GLYR1: variants seen among roughly 807,000 people sequenced by gnomAD.
GLYR1 encodes cytokine-like nuclear factor N-PAC.
Under a neutral mutation model 72.7 loss-of-function variants are expected in GLYR1, and 21 were observed. That is an observed-to-expected ratio of 0.29 (90% confidence interval 0.20 to 0.42). The LOEUF (loss-of-function observed/expected upper bound fraction) is 0.42, where lower values mean the gene tolerates loss of function less well. Among genes scored for constraint, GLYR1 ranks in the 10% least tolerant of loss-of-function variants. The probability of loss-of-function intolerance (pLI) is 1.00; values close to 1 mark genes in which losing one functional copy is unlikely to be tolerated. For synonymous variants in GLYR1, 392 were observed against 270.2 expected (o/e 1.45, Z -4.42); for missense variants, 594 against 712.1 (o/e 0.83, Z 1.89).
chr16:4,838,425 G>C (rs1229591865), intron 3 of GLYR1, among the ~76,000 whole-genome samples: 1 of 152,150 alleles, frequency 6.6e-6, no homozygotes, highest in Non-Finnish European at 1.5e-5. Context: ...TGTGAGGACT[G>C]GAGGGGAAGA....
intron 3 of GLYR1, chr16:4,833,162 G>A (rs866634631): frequency 2.6e-4 from 93 of 360,710 alleles, no homozygotes; most frequent in African/African-American, 1.8e-3. Flanking sequence ...TTCCTCCAGT[G>A]AAAGCACTGT....
Position 4,805,037 on chromosome 16 carries a change from G to A in GLYR1, c.*199C>T. The A allele has an allele frequency of 1.7e-6, 1 of 593,662 alleles. No individual in the cohort carries two copies. Among genetic ancestry groups the A allele is most frequent in the Non-Finnish European group, 3.0e-6 (1 of 329,282 alleles). The allele number at this position is 593,662 out of a possible 1,614,324, so 36.8% of individuals were successfully genotyped here. ...AAGAGCTTTCCCACACGCCAATCCT[G>A]CTGACACTTGTCCCCTCCCCACCGG... is the stretch of plus-strand genomic sequence containing the variant. On this transcript the variant is annotated 3_prime_UTR_variant, in exon 16 of 16. Transcript: ENST00000321919.
chr16:4,818,004 T>C (rs2083761185), intron 9 of GLYR1: 15 of 214,472 alleles, frequency 7.0e-5, no homozygotes, highest in Middle Eastern at 1.9e-3. Flanking sequence ...TTGCTGCCCT[T>C]TTTTTTTTTT....
intron 15 of GLYR1, among the ~76,000 whole-genome samples, chr16:4,809,685 A>C (rs921560165): frequency 1.9e-4 from 29 of 151,370 alleles, no homozygotes; most frequent in Non-Finnish European, 2.7e-4. Context: ...GCACTTTGGG[A>C]GGCTGAGGTG....
rs371996806 is a variant in GLYR1 at position 4,811,165 on chromosome 16, C to T, written c.1587+5G>A. 6.2e-7 allele frequency: 1 copy of T among 1,613,388 alleles called. No individual in the cohort carries two copies. The highest frequency in any genetic ancestry group is 8.5e-7 in the Non-Finnish European group (1 of 1,179,956). On this transcript the variant is annotated splice_donor_5th_base_variant and intron_variant, in intron 15 of 15. Transcript: ENST00000321919. ...GCCTTGGGGCTTGGGCCACATCTAC[C>T]CTACCTCATTTGCTGCAGCTGCCAT...
At chr16:4,832,642 G>T in intron 4 of GLYR1, 132 bp downstream of exon 4, 1 of 1,087,884 alleles carries the variant, frequency 9.2e-7, no homozygotes, top group Non-Finnish European at 1.3e-6. Flanking sequence ...TGACACCTTA[G>T]AACTGAAGTA....
intron 3 of GLYR1, chr16:4,843,505 A>G: frequency 7.8e-7 from 1 of 1,280,626 alleles, no homozygotes; most frequent in Non-Finnish European, 1.0e-6. Context: ...CTCTTCCAGA[A>G]GCTCTGGCTC....
chr16:4,844,193 A>G (rs1197740900), intron 3 of GLYR1, among the ~76,000 whole-genome samples: 1 of 152,160 alleles, frequency 6.6e-6, no homozygotes, highest in Non-Finnish European at 1.5e-5. Flanking sequence ...AAGCTAAACA[A>G]ATCACTAGCA....
chr16:4,817,746 G>A (rs747297184), intron 9 of GLYR1, 49 bp from the exon 10 acceptor site: 20 of 1,127,850 alleles, frequency 1.8e-5, no homozygotes, highest in African/African-American at 1.2e-4. Flanking sequence ...GGAGGGTCAC[G>A]GTGATGATGA....
chr16:4,805,749 G>A (rs182149959), intron 15 of GLYR1, among the ~76,000 whole-genome samples: 349 of 152,180 alleles, frequency 2.3e-3, no homozygotes, highest in Admixed American at 5.4e-3. Flanking sequence ...AGGCCAAGGT[G>A]GGTGAATCAC....
intron 3 of GLYR1, among the ~76,000 whole-genome samples, chr16:4,836,627 A>G (rs985263958): frequency 7.9e-5 from 12 of 152,196 alleles, no homozygotes; most frequent in South Asian, 2.1e-4. Flanking sequence ...CAAGATAAAA[A>G]GCAATGCATG....
At chr16:4,821,822 A>C (rs1394700364) in intron 7 of GLYR1, among the ~76,000 whole-genome samples, 1 of 152,244 alleles carries the variant, frequency 6.6e-6, no homozygotes, top group East Asian at 1.9e-4. Context: ...GTTGAGAATA[A>C]GAGTCATAAG....
intron 10 of GLYR1, among the ~76,000 whole-genome samples, chr16:4,816,494 T>C (rs188881084): frequency 5.2e-4 from 79 of 152,312 alleles, no homozygotes; most frequent in Admixed American, 1.2e-3. Flanking sequence ...TATCAAACTA[T>C]GTTTAATAAA....
chr16:4,804,963 G>GTGTA lies in GLYR1; in HGVS notation c.*272_*273insTACA. On this transcript the variant is annotated 3_prime_UTR_variant, in exon 16 of 16. Transcript: ENST00000321919. ...TGTGTGTGTGTGTGTGTGTGTGTGT[G>GTGTA]TGTGTGTGAACACACAGCCACCTCG... The GTGTA allele has an allele frequency of 3.7e-6, 2 of 534,868 alleles. No homozygotes were observed. The highest frequency in any genetic ancestry group is 3.4e-6 in the Non-Finnish European group (1 of 294,068). The allele number at this position is 534,868 out of a possible 1,614,324, so 33.1% of individuals were successfully genotyped here. A position where few individuals can be genotyped will look rare whatever the true frequency, so the allele number is the denominator to read the frequency against.
At chr16:4,806,214 G>A (rs1596293928) in intron 15 of GLYR1, among the ~76,000 whole-genome samples, 1 of 152,132 alleles carries the variant, frequency 6.6e-6, no homozygotes, top group Admixed American at 6.5e-5. Flanking sequence ...TGCAGTGCTT[G>A]GATAGCCCCC....
chr16:4,844,502 T>C (rs375081491), intron 3 of GLYR1, among the ~76,000 whole-genome samples: 6 of 152,358 alleles, frequency 3.9e-5, no homozygotes, highest in East Asian at 3.9e-4. Flanking sequence ...CTGGGCGCAG[T>C]GGCTCACGCC....
chr16:4,837,004 C>G (rs1215328645), intron 3 of GLYR1, among the ~76,000 whole-genome samples: 2 of 152,124 alleles, frequency 1.3e-5, no homozygotes, highest in African/African-American at 4.8e-5. Flanking sequence ...ACCTGACACT[C>G]TTCCTATAAA....
At chr16:4,833,268 C>T (rs2084911814) in intron 3 of GLYR1, 1 of 168,520 alleles carries the variant, frequency 5.9e-6, no homozygotes, top group African/African-American at 2.4e-5. Context: ...AATCTGGAGA[C>T]CCTTTCCCAT....
chr16:4,846,646 G>A (rs8050525), intron 1 of GLYR1: 2 of 251,810 alleles, frequency 7.9e-6, no homozygotes, highest in African/African-American at 4.4e-5. Flanking sequence ...TGGTTCGGGC[G>A]GTTGTCTGGG....
Sources: allele counts gnomAD v4.1 joint callset (sites outside exome capture counted in the v4.1 genomes callset), GRCh38; gene constraint gnomAD v4.1.1; transcripts MANE v1.5; gene names NCBI Gene and HGNC (gene_info 2026-07-23, HGNC 2026-07-21).